Variants in GALNS observed in about 807,000 individuals in gnomAD.
The protein encoded by GALNS is galactosamine (N-acetyl)-6-sulfatase.
A neutral mutation model predicts 65.9 loss-of-function variants in GALNS; 65 were observed. That is an observed-to-expected ratio of 0.99 (90% CI 0.81 to 1.21). The LOEUF (loss-of-function observed/expected upper bound fraction) is 1.21. Among genes scored for constraint, GALNS ranks in the 50% most tolerant of loss-of-function variants. The pLI, the probability that GALNS is intolerant of heterozygous loss-of-function variation, is 0.00. For synonymous variants in GALNS, 346 were observed against 288.9 expected (o/e 1.20, Z -2.00); for missense variants, 776 against 700.7 (o/e 1.11, Z -1.21).
chr16:88,828,615 AAGAGGGTTTCCCTTCCTCAGGTGGGG>A (rs1023679253), intron 9 of GALNS, among the ~76,000 whole-genome samples: 1 of 152,198 alleles, frequency 6.6e-6, no homozygotes, highest in Non-Finnish European at 1.5e-5. Flanking sequence ...TGGCTCTGGG[AAGAGGGTTTCCCTTCCTCAGGTGGGG>A]AGAGGGTTTC....
intron 13 of GALNS, 69 bp downstream of exon 13, chr16:88,817,938 C>T: frequency 7.7e-7 from 1 of 1,298,112 alleles, no homozygotes; most frequent in East Asian, 2.5e-5. Context: ...GGCCACGGTT[C>T]ATCCTGGGCC....
intron 13 of GALNS, chr16:88,815,947 C>A (rs1480743702): frequency 1.0e-6 from 1 of 985,322 alleles, no homozygotes; most frequent in Non-Finnish European, 1.2e-6. Context: ...GTGCCAGAGA[C>A]GCCACTGAGC....
Position 88,855,305 on chromosome 16 carries a change from G to C in GALNS, c.120+1453C>G, listed in dbSNP as rs146054729. On this transcript the variant is annotated intron_variant, in intron 1 of 13. Transcript: ENST00000268695. ...ACCTGCAGAGCCCAGCTCATCCAGC[G>C]AAGCTATGCTGGCCCAGAAGGAGTT... 2.6e-3 allele frequency: 1,804 copies of C among 699,814 alleles called. 32 individuals are homozygous for C. The African/African-American group carries it at 0.029, about 11-fold the overall frequency. 43.4% of individuals were successfully genotyped at this position (699,814 alleles called of 1,614,324 possible).
At chr16:88,820,847 G>GGGTGTGGCGGGCACC (rs1385835910) in intron 12 of GALNS, among the ~76,000 whole-genome samples, 1 of 152,198 alleles carries the variant, frequency 6.6e-6, no homozygotes, top group African/African-American at 2.4e-5. Flanking sequence ...AGCCTGTGGG[G>GGGTGTGGCGGGCACC]GGTGTGGCGG....
Position 88,818,086 on chromosome 16 carries a change from A to G in GALNS, c.1403T>C (p.Ile468Thr). Residue 468 changes from isoleucine (I) to threonine (T), a missense_variant, in exon 13 of 14, where the codon ATC (isoleucine) becomes ACC (threonine). By Grantham distance (89) the Ile-to-Thr change is moderately conservative (BLOSUM62 -1). Transcript: ENST00000268695. Reference sequence around the variant, plus strand: ...CTGGTGCTGCTGGACGACCGAGGTGATCCTGCTGAGGGCCTCCTGGTACTC... The same window carrying G: ...CTGGTGCTGCTGGACGACCGAGGTGGTCCTGCTGAGGGCCTCCTGGTACTC... ...SAEYQEALSR[I>T]TSVVQQHQEA... is the part of the protein sequence containing the mutation. 1 of 1,573,906 alleles carries G rather than the reference A, an allele frequency of 6.4e-7. No homozygotes were observed. The highest frequency in any genetic ancestry group is 8.6e-7 in the Non-Finnish European group (1 of 1,166,162).
chr16:88,836,335 C>T, intron 5 of GALNS, 68 bp from the exon 6 acceptor site: 1 of 1,286,008 alleles, frequency 7.8e-7, no homozygotes, highest in Non-Finnish European at 1.1e-6. Flanking sequence ...TCCCTGATTT[C>T]ACCAGCAAAG....
At chr16:88,828,099 A>C (rs1004226283) in intron 9 of GALNS, among the ~76,000 whole-genome samples, 1 of 152,210 alleles carries the variant, frequency 6.6e-6, no homozygotes, top group African/African-American at 2.4e-5. Context: ...GTTTGCCAGG[A>C]AAGTTCAGGA....
intron 8 of GALNS, among the ~76,000 whole-genome samples, chr16:88,834,022 C>G (rs1016090984): frequency 1.6e-4 from 24 of 152,068 alleles, no homozygotes; most frequent in Admixed American, 9.2e-4. Flanking sequence ...ACCCTCCCCC[C>G]ACCCAGCACC....
chr16:88,835,220 G>C lies in GALNS; in HGVS notation c.891C>G (p.Pro297=). Residue 297 remains proline, a synonymous_variant, in exon 8 of 14, where the codon CCC becomes CCG. Coordinates refer to ENST00000268695, the MANE Select transcript of GALNS (RefSeq NM_000512.5). The part of the protein sequence containing the change: ...SDNGAALISA[P]EQGGSNGPFL... Reference sequence around the variant, plus strand: ...GTGACAGCGAGCACTCACCTTGTTCGGGGGCGGAAATGAGGGCAGCGCCGT... The same window carrying C: ...GTGACAGCGAGCACTCACCTTGTTCCGGGGCGGAAATGAGGGCAGCGCCGT... The C allele has an allele frequency of 2.5e-6, 4 of 1,585,868 alleles. No individual in the cohort carries two copies. Among genetic ancestry groups the C allele is most frequent in the South Asian group, 1.1e-5 (1 of 87,566 alleles).
chr16:88,856,795 G>A lies in GALNS; in HGVS notation c.83C>T (p.Pro28Leu), dbSNP rs866416595. 6.5e-7 allele frequency: 1 copy of A among 1,542,710 alleles called. No homozygotes were observed. Among genetic ancestry groups the A allele is most frequent in the Admixed American group, 1.9e-5 (1 of 53,594 alleles). ...SAAGMGASGA[P>L]QPPNILLLLM... The stretch of plus-strand genomic sequence containing the variant: ...CAGGAGCAGGATGTTGGGGGGCTGC[G>A]GGGCGCCCGAGGCCCCCATCCCCGC... Residue 28 changes from proline (P) to leucine (L), a missense_variant, in exon 1 of 14, where the codon CCG (proline) becomes CTG (leucine). Pro to Leu is a moderately conservative substitution (Grantham distance 98). Transcript: ENST00000268695.
At chr16:88,833,077 CAAAA>C (rs869226834) in intron 8 of GALNS, among the ~76,000 whole-genome samples, 4,189 of 74,612 alleles carry the variant, frequency 0.056, 67 homozygotes, top group South Asian at 0.11. Context: ...GACTCCTTCT[CAAAA>C]AAAAAAAAAA....
At chr16:88,843,189 A>G in intron 1 of GALNS, 1 of 1,354,710 alleles carries the variant, frequency 7.4e-7, no homozygotes, top group South Asian at 1.2e-5. Flanking sequence ...CTGGCCTCTA[A>G]ACACGTGCAT....
At chr16:88,845,013 T>G (rs1424224204) in intron 1 of GALNS, 1 of 152,236 alleles carries the variant, frequency 6.6e-6, no homozygotes, top group African/African-American at 2.4e-5. Flanking sequence ...TTGAACAATT[T>G]AAAATTATAA....
chr16:88,823,475 C>A (rs2142992881), intron 11 of GALNS, among the ~76,000 whole-genome samples: 1 of 152,300 alleles, frequency 6.6e-6, no homozygotes, highest in East Asian at 1.9e-4. Flanking sequence ...CCCAGGACGG[C>A]CCTCGCAGGC....
intron 2 of GALNS, chr16:88,842,371 G>A (rs1484767162): frequency 3.9e-6 from 2 of 515,506 alleles, no homozygotes; most frequent in Non-Finnish European, 7.0e-6. Context: ...AGGGAGGGAG[G>A]GAGTGGGACT....
At chr16:88,822,854 T>G in intron 11 of GALNS, 144 bp from the exon 12 acceptor site, 1 of 1,280,508 alleles carries the variant, frequency 7.8e-7, no homozygotes, top group East Asian at 2.7e-5. Context: ...CTGGGGGCCG[T>G]GGGGGGGTCT....
At chr16:88,851,389 C>T (rs905746714) in intron 1 of GALNS, among the ~76,000 whole-genome samples, 3 of 152,130 alleles carry the variant, frequency 2.0e-5, no homozygotes, top group African/African-American at 4.8e-5. Context: ...GTGGGGATTC[C>T]GTTCCAACAT....
rs776715466 is a variant in GALNS at position 88,832,098 on chromosome 16, C to T, written c.902G>A (p.Gly301Asp). 1 of 1,613,504 alleles carries T rather than the reference C, an allele frequency of 6.2e-7. No homozygotes were observed. The highest frequency in any genetic ancestry group is 1.1e-5 in the South Asian group (1 of 91,046). The change falls in exon 9 of 14, where the codon GGC becomes GAC. Residue 301 changes from glycine to aspartate, a missense_variant. Gly to Asp is a moderately conservative substitution (Grantham distance 94). Transcript: ENST00000268695. Reference protein sequence around the residue: ...AALISAPEQGGSNGPFLCGKQ... With the variant: ...AALISAPEQGDSNGPFLCGKQ... Reference sequence around the variant, plus strand: ...CCCACACAGAAAGGGGCCGTTGCTGCCACCTGGGAGAGAGGGGCCCTTGTC... The same window carrying T: ...CCCACACAGAAAGGGGCCGTTGCTGTCACCTGGGAGAGAGGGGCCCTTGTC...
At chr16:88,820,163 C>T (rs1910057087) in intron 12 of GALNS, among the ~76,000 whole-genome samples, 2 of 151,662 alleles carry the variant, frequency 1.3e-5, no homozygotes, top group South Asian at 4.2e-4. Flanking sequence ...GAGTCTTGCT[C>T]TGTCACCCAG....
Sources: allele counts gnomAD v4.1 joint callset (sites outside exome capture counted in the v4.1 genomes callset), GRCh38; gene constraint gnomAD v4.1.1; transcripts MANE v1.5; gene names NCBI Gene and HGNC (gene_info 2026-07-23, HGNC 2026-07-21).